HAO2: variants seen among roughly 807,000 people sequenced by gnomAD.
HAO2 encodes the protein hydroxyacid oxidase 2, also known as 2-Hydroxyacid oxidase 2.
HAO2 carries 42 observed loss-of-function variants against 37.4 expected under a neutral mutation model. That is an observed-to-expected ratio of 1.12 (90% CI 0.88 to 1.45). The LOEUF (loss-of-function observed/expected upper bound fraction) is 1.45, where lower values mean the gene tolerates loss of function less well. Among genes scored for constraint, HAO2 ranks in the 40% most tolerant of loss-of-function variants. The pLI is 0.00. For synonymous variants in HAO2, 180 were observed against 162.8 expected, an observed-to-expected ratio of 1.11 and a Z score of -0.81; for missense variants, 476 against 430.2, an observed-to-expected ratio of 1.11 and a Z score of -0.94.
intron 1 of HAO2, chr1:119,380,521 A>C (rs1649834134): frequency 1.7e-6 from 1 of 599,282 alleles, no homozygotes; most frequent in African/African-American, 1.9e-5. Context: ...CAATTCAAAC[A>C]TTGAGATTCC....
At chr1:119,387,185 A>G (rs1468854545) in intron 5 of HAO2, among the ~76,000 whole-genome samples, 1 of 152,236 alleles carries the variant, frequency 6.6e-6, no homozygotes, top group African/African-American at 2.4e-5. Context: ...TTGATTAGAC[A>G]GATGTTCTAA....
chr1:119,378,474 T>C (rs181983876), intron 1 of HAO2, among the ~76,000 whole-genome samples: 1 of 152,314 alleles, frequency 6.6e-6, no homozygotes, highest in African/African-American at 2.4e-5. Flanking sequence ...TCTCTTTAAA[T>C]GCAAAGTAGG....
intron 1 of HAO2, among the ~76,000 whole-genome samples, chr1:119,373,896 G>A (rs1649232336): frequency 1.3e-5 from 2 of 152,134 alleles, no homozygotes; most frequent in African/African-American, 4.8e-5. Context: ...CAAAAAAAGG[G>A]CCATTATGGT....
At chr1:119,393,750 A>G in intron 7 of HAO2, 35 bp from the exon 8 acceptor site, 2 of 1,604,648 alleles carry the variant, frequency 1.2e-6, no homozygotes, top group Non-Finnish European at 1.7e-6. Flanking sequence ...CTTGTGTTTG[A>G]CAAAAATGAG....
intron 1 of HAO2, 78 bp from the exon 2 acceptor site, chr1:119,381,000 C>T (rs1649880344): frequency 8.3e-7 from 1 of 1,211,258 alleles, no homozygotes; most frequent in East Asian, 2.3e-5. Flanking sequence ...TTTCATACTG[C>T]AGCTTCCCCT....
intron 1 of HAO2, among the ~76,000 whole-genome samples, chr1:119,377,666 C>T (rs1649577898): frequency 6.6e-6 from 1 of 152,206 alleles, no homozygotes; most frequent in African/African-American, 2.4e-5. Context: ...TCCAGTTCCA[C>T]ATGGTTGGGG....
rs111379170 is a variant in HAO2 at position 119,393,969 on chromosome 1, T to C, written c.*129T>C. ...AGGCTCATGGCCCATATTTCCCACA[T>C]TTCTAATACCACCACCCCTGTGCTT... On this transcript the variant is annotated 3_prime_UTR_variant, in exon 8 of 8. Coordinates refer to ENST00000325945, the MANE Select transcript of HAO2 (RefSeq NM_016527.4). 1,947 of 1,542,506 alleles carry C rather than the reference T, an allele frequency of 1.3e-3. 24 individuals are homozygous for C. The African/African-American group carries it at 0.024, about 19-fold the overall frequency.
At position 119,393,887 on chromosome 1, in the gene HAO2, T is replaced by G; in HGVS notation, c.*47T>G. The G allele has an allele frequency of 1.2e-6, 2 of 1,611,608 alleles. No homozygotes were observed. Among genetic ancestry groups the G allele is most frequent in the Non-Finnish European group, 1.7e-6 (2 of 1,178,218 alleles). On this transcript the variant is annotated 3_prime_UTR_variant, in exon 8 of 8. Coordinates refer to ENST00000325945, the MANE Select transcript of HAO2 (RefSeq NM_016527.4). ...ACTGCTGAGGTTGCCCACAGGAGGA[T>G]CACAAACTCACAGCACAGTGTGTGA...
intron 1 of HAO2, among the ~76,000 whole-genome samples, chr1:119,379,357 C>A (rs1238792480): frequency 6.6e-6 from 1 of 152,156 alleles, no homozygotes; most frequent in Non-Finnish European, 1.5e-5. Context: ...TATCAGGGAA[C>A]ACTGGGAACC....
intron 3 of HAO2, among the ~76,000 whole-genome samples, 154 bp from the exon 4 acceptor site, chr1:119,384,622 C>T (rs1443758480): frequency 1.3e-5 from 2 of 152,192 alleles, no homozygotes; most frequent in Admixed American, 1.3e-4. Context: ...GATCAAATTG[C>T]CTTCCATCCC....
intron 4 of HAO2, chr1:119,385,859 A>G (rs943445814): frequency 1.0e-6 from 1 of 985,028 alleles, no homozygotes; most frequent in Non-Finnish European, 1.2e-6. Context: ...GCACATTGAG[A>G]TTTATAAATG....
chr1:119,376,138 C>A (rs992657442), intron 1 of HAO2, among the ~76,000 whole-genome samples: 2 of 152,166 alleles, frequency 1.3e-5, no homozygotes, highest in African/African-American at 4.8e-5. Context: ...ACCTATGAGC[C>A]TGTAAAATCA....
rs377454111 is a variant in HAO2 at position 119,393,942 on chromosome 1, G to A, written c.*102G>A. On this transcript the variant is annotated 3_prime_UTR_variant, in exon 8 of 8. Coordinates refer to ENST00000325945, the MANE Select transcript of HAO2 (RefSeq NM_016527.4). Reference sequence around the variant, plus strand: ...GTCCTTCCTGGACCCCATTCTGTCCGGAGGCTCATGGCCCATATTTCCCAC... The same window carrying A: ...GTCCTTCCTGGACCCCATTCTGTCCAGAGGCTCATGGCCCATATTTCCCAC... 4.1e-4 allele frequency: 650 copies of A among 1,570,218 alleles called. 1 individual carries two copies. Among genetic ancestry groups the A allele is most frequent in the Admixed American group, 1.8e-3 (106 of 58,172 alleles).
At position 119,381,228 on chromosome 1, in the gene HAO2, T is replaced by A. The variant is rs372973487; in HGVS notation, c.131+12T>A. 5.0e-6 allele frequency: 8 copies of A among 1,601,248 alleles called. No individual in the cohort carries two copies. Among genetic ancestry groups the A allele is most frequent in the Non-Finnish European group, 6.8e-6 (8 of 1,168,378 alleles). Reference sequence around the variant, plus strand: ...GCAGCATTTAAAAGGTGTGGTCTTCTGTAGCCTGTCTATTGTTAGGTTAAG... The same window carrying A: ...GCAGCATTTAAAAGGTGTGGTCTTCAGTAGCCTGTCTATTGTTAGGTTAAG... On this transcript the variant is annotated intron_variant, in intron 2 of 7. Transcript: ENST00000325945.
intron 1 of HAO2, among the ~76,000 whole-genome samples, chr1:119,371,810 G>A (rs1215514805): frequency 2.0e-5 from 3 of 152,160 alleles, no homozygotes; most frequent in Non-Finnish European, 4.4e-5. Flanking sequence ...TATTATTGTC[G>A]TTATTATTAT....
At chr1:119,370,071 C>G (rs900611720) in intron 1 of HAO2, 3 of 152,186 alleles carry the variant, frequency 2.0e-5, no homozygotes, top group African/African-American at 7.2e-5. Context: ...TCCAAGTGGC[C>G]TTTCTCTTAC....
chr1:119,391,052 C>G (rs1165979138), intron 5 of HAO2, among the ~76,000 whole-genome samples: 1 of 152,180 alleles, frequency 6.6e-6, no homozygotes, highest in Non-Finnish European at 1.5e-5. Context: ...TGAATTCTCT[C>G]TAGTTATTAC....
chr1:119,381,548 C>T (rs1402809043), intron 2 of HAO2, among the ~76,000 whole-genome samples: 1 of 152,188 alleles, frequency 6.6e-6, no homozygotes, highest in African/African-American at 2.4e-5. Flanking sequence ...CCTAGATCTC[C>T]TGAGTTCCTA....
intron 5 of HAO2, among the ~76,000 whole-genome samples, chr1:119,390,469 G>A (rs1570795604): frequency 6.6e-6 from 1 of 152,024 alleles, no homozygotes; most frequent in South Asian, 2.1e-4. Flanking sequence ...GGCTGGTCTC[G>A]AACTCCTCAC....
Sources: gnomAD v4.1 joint callset for allele counts (sites outside exome capture counted in the v4.1 genomes callset) on GRCh38, gnomAD v4.1.1 for gene constraint, MANE v1.5 for transcripts, NCBI Gene and HGNC (gene_info 2026-07-23, HGNC 2026-07-21) for gene names.